The following COL22A1 variants were observed in gnomAD, a reference collection of about 807,000 sequenced individuals.
COL22A1 encodes the protein collagen alpha-1(XXII) chain.
A neutral mutation model predicts 248.9 loss-of-function variants in COL22A1; 221 were observed. That is an observed-to-expected ratio of 0.89 (90% confidence interval 0.80 to 0.99). The LOEUF is 0.99. Among genes scored for constraint, COL22A1 ranks in the 50% least tolerant of loss-of-function variants. The pLI, the probability that COL22A1 is intolerant of heterozygous loss-of-function variation, is 0.00. For missense variants in COL22A1, 2,240 were observed against 2,179.0 expected (o/e 1.03, Z -0.56); for synonymous variants, 891 against 793.4 (o/e 1.12, Z -2.07).
At chr8:138,649,921 T>C (rs764270625) in intron 45 of COL22A1, 143 bp from the exon 46 acceptor site, 5 of 568,184 alleles carry the variant, frequency 8.8e-6, no homozygotes, top group South Asian at 2.4e-5. Flanking sequence ...AGCAAACAGG[T>C]GGACTGAGTC....
At chr8:138,598,593 A>G in intron 61 of COL22A1, 126 bp downstream of exon 61, 1 of 887,368 alleles carries the variant, frequency 1.1e-6, no homozygotes, top group Non-Finnish European at 1.7e-6. Flanking sequence ...AGCCTGCCCC[A>G]GGTCATACCT....
chr8:138,814,943 G>A (rs1476507483), intron 7 of COL22A1, among the ~76,000 whole-genome samples: 3 of 152,150 alleles, frequency 2.0e-5, no homozygotes, highest in Non-Finnish European at 4.4e-5. Flanking sequence ...ACCTTGAATT[G>A]TAATAATCCC....
intron 18 of COL22A1, among the ~76,000 whole-genome samples, chr8:138,759,212 A>G (rs972183918): frequency 3.3e-5 from 5 of 152,098 alleles, no homozygotes; most frequent in Admixed American, 3.3e-4. Context: ...AGCCCGTACT[A>G]TTTATTTATT....
At chr8:138,908,821 G>T (rs1260497280) in intron 1 of COL22A1, among the ~76,000 whole-genome samples, 1 of 152,188 alleles carries the variant, frequency 6.6e-6, no homozygotes, top group Non-Finnish European at 1.5e-5. Flanking sequence ...CAAAAAGATA[G>T]AATAAGATCA....
Position 138,694,518 on chromosome 8 carries a change from G to T in COL22A1, c.2690C>A (p.Thr897Asn). 1 of 1,613,982 alleles carries T rather than the reference G, an allele frequency of 6.2e-7. No individual in the cohort carries two copies. Among genetic ancestry groups the T allele is most frequent in the East Asian group, 2.2e-5 (1 of 44,858 alleles). Residue 897 changes from threonine (T) to asparagine (N), a missense_variant, in exon 34 of 65, where the codon ACT becomes AAT. Transcript: ENST00000303045. ...GGATGGTTTTCTTACCGGTGGTCCA[G>T]TGGGTCCCTGAGGCCCCAATTCTCC... ...RPGELGPQGP[T>N]GPPGAKGQEG...
At chr8:138,689,747 G>A (rs564596651) in intron 36 of COL22A1, among the ~76,000 whole-genome samples, 37 of 152,148 alleles carry the variant, frequency 2.4e-4, no homozygotes, top group Admixed American at 1.1e-3. Flanking sequence ...TAAAGCAGGG[G>A]AGAACAGGCA....
chr8:138,675,101 G>A (rs1825407949), intron 41 of COL22A1, among the ~76,000 whole-genome samples: 2 of 152,158 alleles, frequency 1.3e-5, no homozygotes, highest in Non-Finnish European at 1.5e-5. Flanking sequence ...AAGACACAGA[G>A]CTACCTGGTC....
intron 25 of COL22A1, 99 bp downstream of exon 25, chr8:138,724,516 T>C (rs1830147550): frequency 1.7e-6 from 2 of 1,195,326 alleles, no homozygotes; most frequent in Non-Finnish European, 1.2e-6. Flanking sequence ...TCCTCAGCTC[T>C]AGGAAAGTGG....
rs1360647526 is a variant in COL22A1 at position 138,635,011 on chromosome 8, G to T, written c.3608C>A (p.Pro1203Gln). The change falls in exon 49 of 65, where the codon CCA becomes CAA. Residue 1203 changes from proline to glutamine, a missense_variant and splice_region_variant. Pro to Gln is a moderately conservative substitution (Grantham distance 76). Coordinates refer to ENST00000303045, the MANE Select transcript of COL22A1 (RefSeq NM_152888.3). The stretch of plus-strand genomic sequence containing the variant: ...AGGGGATTAAAGATGATTACTTACT[G>T]GTGGCCCAGGGTTCCCTGGGGGCCC... ...FMGPPGNPGP[P>Q]GADGIAGAAG... The T allele has an allele frequency of 6.3e-7, 1 of 1,598,292 alleles. No homozygotes were observed. Among genetic ancestry groups the T allele is most frequent in the Non-Finnish European group, 8.6e-7 (1 of 1,166,564 alleles).
At chr8:138,879,347 G>A (rs34687998) in intron 2 of COL22A1, among the ~76,000 whole-genome samples, 13,603 of 152,116 alleles carry the variant, frequency 0.089, 744 homozygotes, top group Non-Finnish European at 0.11. Context: ...AAGAGGAAGT[G>A]TTTTCCAATC....
intron 3 of COL22A1, among the ~76,000 whole-genome samples, chr8:138,876,284 C>T (rs764064706): frequency 2.0e-5 from 3 of 152,154 alleles, no homozygotes; most frequent in African/African-American, 7.2e-5. Flanking sequence ...TCTAAACAAC[C>T]TAAGCACCAC....
chr8:138,669,002 CAG>C (rs367574836), intron 41 of COL22A1, among the ~76,000 whole-genome samples: 8 of 152,192 alleles, frequency 5.3e-5, no homozygotes, highest in African/African-American at 1.9e-4. Context: ...GAGGAGAAGT[CAG>C]ACTCTGTGCT....
At position 138,634,873 on chromosome 8, in the gene COL22A1, C is replaced by T. The variant is rs11989289; in HGVS notation, c.3609+137G>A. On this transcript the variant is annotated intron_variant, in intron 49 of 64. Transcript: ENST00000303045. Reference sequence around the variant, plus strand: ...GCCTGTGGGACTTGCATTTTTAGGACAACTCTGTCACCTTTTGGGTGTTGG... The same window carrying T: ...GCCTGTGGGACTTGCATTTTTAGGATAACTCTGTCACCTTTTGGGTGTTGG... 823 of 704,140 alleles carry T rather than the reference C, an allele frequency of 1.2e-3. 6 individuals are homozygous for T. In the African/African-American group the frequency reaches 0.014, roughly 12 times the overall value. 43.6% of individuals were successfully genotyped at this position (704,140 alleles called of 1,614,324 possible). A position where few individuals can be genotyped will look rare whatever the true frequency, so the allele number is the denominator to read the frequency against.
intron 60 of COL22A1, among the ~76,000 whole-genome samples, chr8:138,601,586 G>A (rs572335442): frequency 6.6e-6 from 1 of 152,248 alleles, no homozygotes; most frequent in East Asian, 1.9e-4. Context: ...GCCTTCCACA[G>A]GCTCTTCAGA....
At chr8:138,639,043 C>T (rs981692995) in intron 47 of COL22A1, among the ~76,000 whole-genome samples, 3 of 152,206 alleles carry the variant, frequency 2.0e-5, no homozygotes, top group Admixed American at 6.5e-5. Flanking sequence ...TCCAGGAACT[C>T]TGCCAAGGCT....
At chr8:138,726,498 C>CAAAAAAAAAAAAAAAAAAAAAAA (rs371982028) in intron 23 of COL22A1, among the ~76,000 whole-genome samples, 1 of 95,626 alleles carries the variant, frequency 1.0e-5, no homozygotes, top group Non-Finnish European at 2.1e-5. Flanking sequence ...CCTGTATCTA[C>CAAAAAAAAAAAAAAAAAAAAAAA]AAAAAAAAAA....
chr8:138,737,728 A>C, intron 22 of COL22A1, 151 bp from the exon 23 acceptor site: 1 of 599,298 alleles, frequency 1.7e-6, no homozygotes, highest in Non-Finnish European at 3.0e-6. Flanking sequence ...CAGAGGAACA[A>C]TGTGGGATCA....
intron 3 of COL22A1, among the ~76,000 whole-genome samples, chr8:138,865,710 T>C (rs1822823320): frequency 6.7e-6 from 1 of 149,822 alleles, no homozygotes; most frequent in Admixed American, 6.7e-5. Flanking sequence ...TATGCCTGTG[T>C]ATGAGTGTAT....
In COL22A1 at chr8:138,615,027, G is replaced by C. The variant is rs374739944; in HGVS notation, c.3924+974C>G. On this transcript the variant is annotated intron_variant, in intron 55 of 64. Transcript: ENST00000303045. ...CTGGTGCCTCTGCATCTGACCAATC[G>C]GCCAGTTCCATGATGCCACTCTGCA... 5.6e-4 allele frequency among the ~76,000 whole-genome samples: 86 copies of C among 152,224 alleles called. 1 individual carries two copies. The East Asian group carries it at 0.012, about 21-fold the overall frequency.
Sources: allele counts gnomAD v4.1 joint callset (sites outside exome capture counted in the v4.1 genomes callset), GRCh38; gene constraint gnomAD v4.1.1; transcripts MANE v1.5; gene names NCBI Gene and HGNC (gene_info 2026-07-23, HGNC 2026-07-21).